Variants in WWOX observed in about 807,000 individuals in gnomAD.
The protein encoded by WWOX is WW domain-containing oxidoreductase.
Under a neutral mutation model 46.2 loss-of-function variants are expected in WWOX, and 69 were observed. That is an observed-to-expected ratio of 1.49 (90% CI 1.23 to 1.82). The LOEUF is 1.82. WWOX is among the 40% of genes most tolerant of loss of function. The pLI, the probability that WWOX is intolerant of heterozygous loss-of-function variation, is 0.00. For synonymous variants in WWOX, 359 were observed against 202.6 expected (o/e 1.77, Z -6.56); for missense variants, 919 against 542.6 (o/e 1.69, Z -6.89).
At chr16:78,239,733 A>G (rs1223285226) in intron 5 of WWOX, among the ~76,000 whole-genome samples, 1 of 151,540 alleles carries the variant, frequency 6.6e-6, no homozygotes, top group Non-Finnish European at 1.5e-5. Flanking sequence ...ATAGGGTTTC[A>G]CTTGTTGGCC....
intron 5 of WWOX, among the ~76,000 whole-genome samples, chr16:78,236,420 T>C (rs1192401442): frequency 2.0e-5 from 3 of 152,190 alleles, no homozygotes; most frequent in Non-Finnish European, 4.4e-5. Context: ...TTGGCTTTGC[T>C]TTTTTGACAG....
intron 8 of WWOX, among the ~76,000 whole-genome samples, chr16:78,931,648 G>C (rs1389390789): frequency 6.6e-6 from 1 of 152,208 alleles, no homozygotes; most frequent in Non-Finnish European, 1.5e-5. Flanking sequence ...AGAATATGCA[G>C]TCATGGAGTC....
chr16:78,913,569 A>G (rs961338697), intron 8 of WWOX, among the ~76,000 whole-genome samples: 4 of 152,044 alleles, frequency 2.6e-5, no homozygotes, highest in Admixed American at 6.6e-5. Context: ...TCAGAAATAC[A>G]GAACTAGTTT....
At chr16:78,500,599 G>A (rs760978955) in intron 8 of WWOX, among the ~76,000 whole-genome samples, 5 of 151,956 alleles carry the variant, frequency 3.3e-5, no homozygotes, top group African/African-American at 4.8e-5. Context: ...TATGACTGAG[G>A]GTAGGGTAGG....
At chr16:78,412,492 G>A (rs2082704804) in intron 6 of WWOX, among the ~76,000 whole-genome samples, 1 of 152,154 alleles carries the variant, frequency 6.6e-6, no homozygotes. Flanking sequence ...CTGCAGGGAA[G>A]ATTTTAGAGA....
intron 8 of WWOX, among the ~76,000 whole-genome samples, chr16:79,065,696 C>T (rs1416866000): frequency 6.6e-6 from 1 of 152,168 alleles, no homozygotes; most frequent in Admixed American, 6.5e-5. Flanking sequence ...CTTTTAGGAG[C>T]TTTACAAAGG....
intron 8 of WWOX, among the ~76,000 whole-genome samples, chr16:78,570,928 A>T (rs2044701032): frequency 6.6e-6 from 1 of 152,152 alleles, no homozygotes; most frequent in Non-Finnish European, 1.5e-5. Flanking sequence ...CCAGGGGAAA[A>T]GTGTTTTGGG....
intron 4 of WWOX, among the ~76,000 whole-genome samples, chr16:78,116,715 A>G (rs1043511012): frequency 2.6e-5 from 4 of 152,218 alleles, no homozygotes; most frequent in Non-Finnish European, 4.4e-5. Flanking sequence ...GCATGGACCC[A>G]TACAATTGTG....
chr16:79,108,497 C>G (rs939809353), intron 8 of WWOX, among the ~76,000 whole-genome samples: 1 of 152,238 alleles, frequency 6.6e-6, no homozygotes. Flanking sequence ...AAGGGATTGT[C>G]CAGGCTGAGC....
At chr16:78,725,706 G>T (rs996797638) in intron 8 of WWOX, among the ~76,000 whole-genome samples, 1 of 151,988 alleles carries the variant, frequency 6.6e-6, no homozygotes, top group Non-Finnish European at 1.5e-5. Context: ...TCATCTCACA[G>T]TTCTGAAAGT....
intron 8 of WWOX, among the ~76,000 whole-genome samples, chr16:78,784,802 C>A (rs573939675): frequency 2.0e-5 from 3 of 152,124 alleles, no homozygotes; most frequent in African/African-American, 7.2e-5. Context: ...AATAAGGACT[C>A]ACATGTGTCG....
rs2082535759 is a variant in WWOX at position 78,406,310 on chromosome 16, ATATATATATATATATAT to A, written c.606-18559_606-18543del. Among the ~76,000 whole-genome samples, 15 of 33,454 alleles carry A rather than the reference ATATATATATATATATAT, an allele frequency of 4.5e-4. 1 individual carries two copies. Among genetic ancestry groups the A allele is most frequent in the African/African-American group, 2.9e-3 (10 of 3,446 alleles). 21.9% of individuals were successfully genotyped at this position (33,454 alleles called of 152,430 possible). On this transcript the variant is annotated intron_variant, in intron 6 of 8. Coordinates refer to ENST00000566780, the MANE Select transcript of WWOX (RefSeq NM_016373.4). ...TTACAGCATATAAATATAAATATAT[ATATATATATATATATAT>A]ATATATATATATATATATATATATA...
chr16:78,640,893 C>T (rs2046691048), intron 8 of WWOX, among the ~76,000 whole-genome samples: 2 of 144,670 alleles, frequency 1.4e-5, no homozygotes, highest in South Asian at 2.2e-4. Flanking sequence ...GAGCCGAGAT[C>T]ATGCCACTGC....
intron 8 of WWOX, among the ~76,000 whole-genome samples, chr16:78,826,174 G>C (rs566040779): frequency 3.3e-5 from 5 of 152,292 alleles, no homozygotes; most frequent in East Asian, 1.9e-4. Context: ...GGCCAACATG[G>C]TGAAACCCTG....
At chr16:78,774,880 C>T (rs1406210058) in intron 8 of WWOX, among the ~76,000 whole-genome samples, 12 of 152,188 alleles carry the variant, frequency 7.9e-5, no homozygotes, top group Admixed American at 1.3e-4. Context: ...ATGTTTACCG[C>T]AGAGCACTAA....
chr16:79,074,167 C>A (rs921723813), intron 8 of WWOX, among the ~76,000 whole-genome samples: 4 of 151,990 alleles, frequency 2.6e-5, no homozygotes, highest in Non-Finnish European at 4.4e-5. Context: ...CAACTCCGAC[C>A]CCAAGTTGGA....
intron 8 of WWOX, among the ~76,000 whole-genome samples, chr16:79,152,194 C>T (rs943129829): frequency 3.9e-5 from 6 of 152,168 alleles, no homozygotes; most frequent in Non-Finnish European, 7.4e-5. Context: ...CCACGCGAGG[C>T]GAGGCCCTGA....
chr16:78,745,709 C>T (rs1346433674), intron 8 of WWOX, among the ~76,000 whole-genome samples: 1 of 151,148 alleles, frequency 6.6e-6, no homozygotes, highest in African/African-American at 2.4e-5. Context: ...CTGCCACACC[C>T]CCTCATAGAT....
chr16:78,103,787 T>C (rs2031955135), intron 1 of WWOX, among the ~76,000 whole-genome samples: 1 of 152,128 alleles, frequency 6.6e-6, no homozygotes, highest in African/African-American at 2.4e-5. Flanking sequence ...AGCAGGGCCA[T>C]GGCCAGGGAT....
Sources: gnomAD v4.1 joint callset for allele counts (sites outside exome capture counted in the v4.1 genomes callset) on GRCh38, gnomAD v4.1.1 for gene constraint, MANE v1.5 for transcripts, NCBI Gene and HGNC (gene_info 2026-07-23, HGNC 2026-07-21) for gene names.